Variants in SLC39A12 observed in about 807,000 individuals in gnomAD.
SLC39A12 encodes solute carrier family 39 member 12.
SLC39A12 carries 63 observed loss-of-function variants against 71.1 expected under a neutral mutation model. The observed-to-expected ratio is 0.89, with a 90% CI of 0.72 to 1.09. SLC39A12 has a LOEUF of 1.09. Ranked by LOEUF, SLC39A12 falls within the 50% of genes least tolerant of loss-of-function variation. The probability of loss-of-function intolerance (pLI) is 0.00; values close to 1 mark genes in which losing one functional copy is unlikely to be tolerated. For synonymous variants in SLC39A12, 351 were observed against 301.3 expected (o/e 1.16, Z -1.71); for missense variants, 892 against 812.6 (o/e 1.10, Z -1.19).
chr10:18,005,252 T>C (rs1331838338), intron 12 of SLC39A12: 7 of 152,186 alleles, frequency 4.6e-5, no homozygotes, highest in African/African-American at 1.7e-4. Flanking sequence ...TTACCCCTTT[T>C]TCTGAACCTA....
At chr10:18,040,750 TAA>T (rs1374431778) in intron 12 of SLC39A12, among the ~76,000 whole-genome samples, 9 of 133,294 alleles carry the variant, frequency 6.8e-5, no homozygotes, top group Admixed American at 3.3e-4. Context: ...GCCTAGGCGA[TAA>T]GAGTGAAACT....
intron 4 of SLC39A12, among the ~76,000 whole-genome samples, chr10:17,971,287 CTCCCCTCCCCTTCCT>C (rs1834968075): frequency 1.6e-5 from 2 of 127,582 alleles, no homozygotes; most frequent in African/African-American, 5.8e-5. Flanking sequence ...CTCCCCTCCC[CTCCCCTCCCCTTCCT>C]TTCCTGATGT....
intron 12 of SLC39A12, among the ~76,000 whole-genome samples, chr10:18,017,533 T>A (rs904073040): frequency 1.3e-5 from 2 of 152,208 alleles, no homozygotes; most frequent in Admixed American, 1.3e-4. Flanking sequence ...GGTCTTGAAC[T>A]CCTGACCTCA....
chr10:18,022,063 G>A (rs750848069), intron 12 of SLC39A12, among the ~76,000 whole-genome samples: 46 of 152,076 alleles, frequency 3.0e-4, no homozygotes, highest in Non-Finnish European at 4.0e-4. Context: ...TTTCTTTTGT[G>A]TTGACCTTGA....
intron 2 of SLC39A12, among the ~76,000 whole-genome samples, chr10:17,954,503 C>G (rs1046370051): frequency 2.0e-5 from 3 of 152,070 alleles, no homozygotes; most frequent in Admixed American, 2.0e-4. Context: ...ATCTGCCTGC[C>G]GCCACCTCCC....
chr10:17,996,598 T>G (rs756919085), intron 10 of SLC39A12, among the ~76,000 whole-genome samples: 1 of 152,210 alleles, frequency 6.6e-6, no homozygotes, highest in Admixed American at 6.5e-5. Flanking sequence ...TAAGTAAGAA[T>G]AAATATTAAC....
chr10:18,001,487 C>T (rs989963923), intron 11 of SLC39A12, among the ~76,000 whole-genome samples: 1 of 152,168 alleles, frequency 6.6e-6, no homozygotes, highest in East Asian at 1.9e-4. Flanking sequence ...GCACTCCAGC[C>T]TGGGCAACAG....
intron 5 of SLC39A12, among the ~76,000 whole-genome samples, chr10:17,978,794 T>G (rs1835181306): frequency 1.3e-5 from 2 of 152,274 alleles, no homozygotes; most frequent in South Asian, 4.1e-4. Context: ...TGATTCTTGA[T>G]GGTATCCTAA....
chr10:17,977,055 T>G (rs1398469333), intron 4 of SLC39A12, among the ~76,000 whole-genome samples: 1 of 152,174 alleles, frequency 6.6e-6, no homozygotes, highest in Non-Finnish European at 1.5e-5. Flanking sequence ...TTTTTTCTTC[T>G]GCCCTCTCAA....
rs370582727 is a variant in SLC39A12 at position 18,042,735 on chromosome 10, C to T, written c.1978C>T (p.Arg660Ter). ...LPEMTHVQTQRPWMMFLLQNF... is the reference protein window; with the variant it reads ...LPEMTHVQTQ The stretch of plus-strand genomic sequence containing the variant: ...TGAAATGACTCATGTTCAAACACAA[C>T]GACCCTGGATGATGTTTCTCCTGCA... Residue 660 changes from arginine to a stop codon, truncating the protein, a stop_gained, in exon 13 of 13, where the codon CGA becomes TGA. Coordinates refer to ENST00000377369, the MANE Select transcript of SLC39A12 (RefSeq NM_001145195.2). LOFTEE classifies it high-confidence loss of function. The T allele has an allele frequency of 3.4e-5, 55 of 1,611,244 alleles. No individual in the cohort carries two copies. The highest frequency in any genetic ancestry group is 4.2e-5 in the Non-Finnish European group (49 of 1,178,838).
At chr10:18,029,551 C>T (rs1393940240) in intron 12 of SLC39A12, among the ~76,000 whole-genome samples, 1 of 152,202 alleles carries the variant, frequency 6.6e-6, no homozygotes, top group African/African-American at 2.4e-5. Context: ...ATCTAAAGAA[C>T]ATTTCTCTTA....
intron 12 of SLC39A12, among the ~76,000 whole-genome samples, chr10:18,036,368 C>G (rs535688097): frequency 1.3e-5 from 2 of 152,198 alleles, no homozygotes; most frequent in African/African-American, 4.8e-5. Flanking sequence ...TTTTTTTAAG[C>G]CGGTCTGAAA....
chr10:17,960,837 T>C (rs1263838298), intron 2 of SLC39A12, among the ~76,000 whole-genome samples: 2 of 152,100 alleles, frequency 1.3e-5, no homozygotes, highest in Non-Finnish European at 2.9e-5. Context: ...AGAAGAAAAA[T>C]ATAAAATATC....
intron 12 of SLC39A12, among the ~76,000 whole-genome samples, chr10:18,041,748 T>G (rs1310306540): frequency 1.5e-5 from 2 of 129,478 alleles, no homozygotes; most frequent in Non-Finnish European, 3.5e-5. Flanking sequence ...TATATACATG[T>G]ATATATGTGT....
At chr10:18,036,794 A>ATATTTTTT (rs1554855475) in intron 12 of SLC39A12, among the ~76,000 whole-genome samples, 47 of 92,818 alleles carry the variant, frequency 5.1e-4, no homozygotes, top group Admixed American at 7.3e-4. Flanking sequence ...ATATATATAT[A>ATATTTTTT]TTTTTTTTTT....
At chr10:18,004,266 C>T (rs754747636) in intron 12 of SLC39A12, 30 of 152,138 alleles carry the variant, frequency 2.0e-4, no homozygotes, top group Admixed American at 1.8e-3. Flanking sequence ...AAAAGAGGTA[C>T]TTAAGGCTGA....
At chr10:17,957,743 A>G (rs782567635) in intron 2 of SLC39A12, among the ~76,000 whole-genome samples, 1 of 152,056 alleles carries the variant, frequency 6.6e-6, no homozygotes, top group Non-Finnish European at 1.5e-5. Context: ...TGTCATATCT[A>G]TGTCCAGGGG....
chr10:18,021,289 T>C (rs1399012090), intron 12 of SLC39A12, among the ~76,000 whole-genome samples: 2 of 151,996 alleles, frequency 1.3e-5, no homozygotes, highest in African/African-American at 4.8e-5. Context: ...TGTACAGTTT[T>C]ATTTCTGTGT....
chr10:17,967,606 G>A (rs1052532497), intron 4 of SLC39A12, among the ~76,000 whole-genome samples: 9 of 151,964 alleles, frequency 5.9e-5, no homozygotes, highest in Non-Finnish European at 1.0e-4. Context: ...TTCCCAGGCC[G>A]GGCGCGGTGG....
Sources: allele counts gnomAD v4.1 joint callset (sites outside exome capture counted in the v4.1 genomes callset), GRCh38; gene constraint gnomAD v4.1.1; transcripts MANE v1.5; gene names NCBI Gene and HGNC (gene_info 2026-07-23, HGNC 2026-07-21).